HSD17B14: variants seen among roughly 807,000 people sequenced by gnomAD.
HSD17B14 encodes L-fucose dehydrogenase.
In HSD17B14, 32 loss-of-function variants were observed where a neutral mutation model predicts 32.2. That is an observed-to-expected ratio of 0.99 (90% CI 0.75 to 1.33). HSD17B14 has a LOEUF of 1.33. Ranked by LOEUF, HSD17B14 falls within the 40% of genes most tolerant of loss-of-function variation. The pLI is 0.00. For synonymous variants in HSD17B14, 140 were observed against 155.4 expected (o/e 0.90, Z 0.74); for missense variants, 370 against 366.5 (o/e 1.01, Z -0.08).
chr19:48,813,238 C>T lies in HSD17B14; in HGVS notation c.750G>A (p.Glu250=). 6.2e-7 allele frequency: 1 copy of T among 1,610,844 alleles called. No individual in the cohort carries two copies. The highest frequency in any genetic ancestry group is 8.5e-7 in the Non-Finnish European group (1 of 1,178,826). The part of the protein sequence containing the change: ...GIELLVTGGA[E]LGYGCKASRS... ...GACTGGCCTTGCACCCGTACCCCAGCTCTGCACCCCCCGTCACGAGCAGTT... is the reference window on the plus strand; with the variant it reads ...GACTGGCCTTGCACCCGTACCCCAGTTCTGCACCCCCCGTCACGAGCAGTT... Residue 250 remains glutamate, a synonymous_variant, in exon 9 of 9, where the codon GAG becomes GAA. Coordinates refer to ENST00000263278, the MANE Select transcript of HSD17B14 (RefSeq NM_016246.3).
chr19:48,814,659 G>A (rs1160037665), intron 6 of HSD17B14, among the ~76,000 whole-genome samples: 1 of 151,238 alleles, frequency 6.6e-6, no homozygotes, highest in Admixed American at 6.6e-5. Flanking sequence ...GGCTAACATG[G>A]TGAAACCCCG....
intron 5 of HSD17B14, among the ~76,000 whole-genome samples, chr19:48,816,022 GAA>G (rs71179053): frequency 1.9e-4 from 14 of 74,300 alleles, no homozygotes; most frequent in African/African-American, 5.2e-4. Context: ...CTCCGTTTCA[GAA>G]AAAAAAAAAA....
chr19:48,820,866 A>C (rs1038536311), intron 5 of HSD17B14, among the ~76,000 whole-genome samples: 1 of 151,882 alleles, frequency 6.6e-6, no homozygotes, highest in Non-Finnish European at 1.5e-5. Context: ...AAAAGACAAA[A>C]ATAAAAAAAA....
chr19:48,823,643 CTT>C (rs200691592), intron 5 of HSD17B14, among the ~76,000 whole-genome samples: 1 of 143,620 alleles, frequency 7.0e-6, no homozygotes. Context: ...TTTTTTCTTT[CTT>C]TTTTTTTTTG....
intron 5 of HSD17B14, among the ~76,000 whole-genome samples, chr19:48,824,623 C>T (rs902749578): frequency 4.0e-5 from 6 of 149,786 alleles, no homozygotes; most frequent in South Asian, 2.1e-4. Flanking sequence ...AAAATTAGCC[C>T]GGTGTAGTGG....
At chr19:48,825,637 T>G (rs2035230975) in intron 5 of HSD17B14, among the ~76,000 whole-genome samples, 1 of 151,820 alleles carries the variant, frequency 6.6e-6, no homozygotes, top group African/African-American at 2.4e-5. Flanking sequence ...CTAATCTCAT[T>G]AAATCCTCAG....
chr19:48,835,292 AGGGG>A (rs2035461943), intron 2 of HSD17B14, among the ~76,000 whole-genome samples: 1 of 68,440 alleles, frequency 1.5e-5, no homozygotes. Flanking sequence ...CTGAGGGAGG[AGGGG>A]ATGGGGGCCT....
At chr19:48,827,784 C>G (rs895936436) in intron 5 of HSD17B14, among the ~76,000 whole-genome samples, 2 of 151,636 alleles carry the variant, frequency 1.3e-5, no homozygotes, top group Non-Finnish European at 2.9e-5. Context: ...GTGATCCACC[C>G]GCCTTGGCAT....
intron 5 of HSD17B14, among the ~76,000 whole-genome samples, chr19:48,827,859 C>CTTT (rs529419306): frequency 1.6e-5 from 2 of 128,462 alleles, no homozygotes; most frequent in Non-Finnish European, 1.6e-5. Context: ...TTTTTTTTTT[C>CTTT]TTTTTTTTTT....
intron 5 of HSD17B14, among the ~76,000 whole-genome samples, chr19:48,821,729 ATGAGGATGGTGATGG>A (rs1294370321): frequency 1.2e-4 from 18 of 150,498 alleles, no homozygotes; most frequent in African/African-American, 4.1e-4. Flanking sequence ...TATGGTGGTG[ATGAGGATGGTGATGG>A]TGAGGATGGT....
At chr19:48,836,277 C>T (rs1179848647) in intron 1 of HSD17B14, 47 bp downstream of exon 1, 2 of 1,580,148 alleles carry the variant, frequency 1.3e-6, no homozygotes, top group South Asian at 1.1e-5. Flanking sequence ...CGCCCCCATC[C>T]TTCCTTTCTC....
intron 3 of HSD17B14, among the ~76,000 whole-genome samples, chr19:48,833,195 C>T (rs954962577): frequency 1.2e-4 from 18 of 150,700 alleles, no homozygotes; most frequent in African/African-American, 4.1e-4. Flanking sequence ...TCAGCAGACA[C>T]AGCAGGCAAG....
At chr19:48,834,593 G>C (rs1206664880) in intron 2 of HSD17B14, among the ~76,000 whole-genome samples, 1 of 59,426 alleles carries the variant, frequency 1.7e-5, no homozygotes, top group Non-Finnish European at 2.8e-5. Flanking sequence ...CGAGGAAGTA[G>C]GGCCTGGGGG....
At chr19:48,826,836 C>T (rs2035259413) in intron 5 of HSD17B14, among the ~76,000 whole-genome samples, 1 of 151,900 alleles carries the variant, frequency 6.6e-6, no homozygotes, top group African/African-American at 2.4e-5. Flanking sequence ...CCCTGAGTTC[C>T]TCCAGCCTCA....
Position 48,813,196 on chromosome 19 carries a change from G to A in HSD17B14, c.792C>T (p.Asp264=), listed in dbSNP as rs2122724967. The A allele has an allele frequency of 6.2e-7, 1 of 1,602,236 alleles. No homozygotes were observed. The highest frequency in any genetic ancestry group is 8.5e-7 in the Non-Finnish European group (1 of 1,173,914). ...GAAATCAGGAAGGGATATCGGGGGC[G>A]TCCACGGGGGTGCTCCGACTGGCCT... ...GCKASRSTPV[D]APDIPS The change falls in exon 9 of 9, where the codon GAC becomes GAT. Residue 264 remains aspartate (D), a synonymous_variant. Transcript: ENST00000263278.
At chr19:48,834,517 T>G (rs112701517) in intron 2 of HSD17B14, among the ~76,000 whole-genome samples, 159 bp from the exon 3 acceptor site, 926 of 50,338 alleles carry the variant, frequency 0.018, 39 homozygotes, top group Middle Eastern at 0.028. Context: ...TCTGAGGAAG[T>G]AGGGCCTGGG....
chr19:48,826,528 A>AAAAAAAAAAAAATAT (rs777368104), intron 5 of HSD17B14, among the ~76,000 whole-genome samples: 1 of 23,096 alleles, frequency 4.3e-5, no homozygotes, highest in African/African-American at 1.2e-4. Context: ...AAAAGAAGAA[A>AAAAAAAAAAAAATAT]ATATATATAT....
intron 5 of HSD17B14, among the ~76,000 whole-genome samples, chr19:48,818,206 G>A (rs2035087623): frequency 6.6e-6 from 1 of 151,490 alleles, no homozygotes; most frequent in Non-Finnish European, 1.5e-5. Flanking sequence ...AGCTACTCGG[G>A]AGGCTGAGGC....
chr19:48,834,344 C>T lies in HSD17B14; in HGVS notation c.142G>A (p.Ala48Thr), dbSNP rs1194600006. ...GCTCCAGGGAGCTCCTGCTCCAGGGCCCGGCCCCCAGACTCTGCAGGGAGA... is the reference window on the plus strand; with the variant it reads ...GCTCCAGGGAGCTCCTGCTCCAGGGTCCGGCCCCCAGACTCTGCAGGGAGA... ...ICDKDESGGRALEQELPGAVF... is the reference protein window; with the variant it reads ...ICDKDESGGRTLEQELPGAVF... The change falls in exon 3 of 9, where the codon GCC becomes ACC. Residue 48 changes from alanine (A) to threonine (T), a missense_variant. By Grantham distance (58) the Ala-to-Thr change is moderately conservative. Transcript: ENST00000263278. 2.5e-6 allele frequency: 4 copies of T among 1,613,464 alleles called. No homozygotes were observed. The highest frequency in any genetic ancestry group is 3.3e-5 in the Admixed American group (2 of 59,968).
Sources: gnomAD v4.1 joint callset for allele counts (sites outside exome capture counted in the v4.1 genomes callset) on GRCh38, gnomAD v4.1.1 for gene constraint, MANE v1.5 for transcripts, NCBI Gene and HGNC (gene_info 2026-07-23, HGNC 2026-07-21) for gene names.